The following CEP112 variants were observed in gnomAD, a reference collection of about 807,000 sequenced individuals.
CEP112 encodes the protein centrosomal protein 112, also known as centrosomal protein of 112 kDa.
CEP112 carries 127 observed loss-of-function variants against 153.0 expected under a neutral mutation model. The ratio of observed to expected loss-of-function variants is 0.83; its 90% CI spans 0.72 to 0.96. The LOEUF is 0.96. CEP112 is among the 40% of genes least tolerant of loss of function. The probability of loss-of-function intolerance (pLI) is 0.00; values close to 1 mark genes in which losing one functional copy is unlikely to be tolerated. For synonymous variants in CEP112, 358 were observed against 374.4 expected (o/e 0.96, Z 0.51); for missense variants, 1,089 against 1,101.2 (o/e 0.99, Z 0.16).
intron 20 of CEP112, 130 bp downstream of exon 20, chr17:65,902,022 A>AAAAAC: frequency 2.5e-6 from 1 of 403,784 alleles, no homozygotes. Flanking sequence ...AACAAAAAAA[A>AAAAAC]AATCACATTT....
intron 6 of CEP112, among the ~76,000 whole-genome samples, chr17:66,116,862 C>CTT: frequency 7.5e-6 from 1 of 132,930 alleles, no homozygotes; most frequent in African/African-American, 2.6e-5. Context: ...TCTCCAATCT[C>CTT]CTTTTTTTTT....
chr17:65,816,875 A>G (rs2056298455), intron 21 of CEP112, among the ~76,000 whole-genome samples: 1 of 151,958 alleles, frequency 6.6e-6, no homozygotes, highest in Non-Finnish European at 1.5e-5. Context: ...TTTCTTTCTT[A>G]AATGTTTGGT....
chr17:65,640,341 A>G (rs1239340910), intron 25 of CEP112, among the ~76,000 whole-genome samples: 2 of 151,442 alleles, frequency 1.3e-5, no homozygotes. Context: ...TTTAGTAGAG[A>G]CGGGATTTTG....
intron 18 of CEP112, among the ~76,000 whole-genome samples, chr17:65,959,378 T>C (rs2062115418): frequency 6.6e-6 from 1 of 152,246 alleles, no homozygotes; most frequent in South Asian, 2.1e-4. Context: ...ATGAAGCTCC[T>C]CTTTGTCTTG....
intron 21 of CEP112, among the ~76,000 whole-genome samples, chr17:65,835,621 T>C (rs1421261910): frequency 1.3e-5 from 2 of 152,162 alleles, no homozygotes; most frequent in Non-Finnish European, 2.9e-5. Flanking sequence ...AACTTCACTA[T>C]TCTTCAAAAA....
intron 23 of CEP112, among the ~76,000 whole-genome samples, chr17:65,737,344 A>G (rs1164823047): frequency 6.6e-6 from 1 of 152,188 alleles, no homozygotes; most frequent in African/African-American, 2.4e-5. Flanking sequence ...CCCTAGGATC[A>G]TTATGTTGTT....
chr17:65,943,324 G>A (rs1045882626), intron 18 of CEP112, among the ~76,000 whole-genome samples: 1 of 152,080 alleles, frequency 6.6e-6, no homozygotes, highest in African/African-American at 2.4e-5. Flanking sequence ...GGTGAAGAAA[G>A]GTATGAAATA....
intron 12 of CEP112, among the ~76,000 whole-genome samples, chr17:66,037,973 T>C (rs1001813591): frequency 5.3e-5 from 8 of 151,564 alleles, no homozygotes; most frequent in African/African-American, 1.9e-4. Flanking sequence ...GCTGGTACTG[T>C]CTGTGAAGGC....
chr17:65,654,971 G>C (rs567884750), intron 24 of CEP112: 2 of 683,664 alleles, frequency 2.9e-6, no homozygotes, highest in Admixed American at 3.7e-5. Context: ...CGGGCCAATA[G>C]TGATTGGCAA....
chr17:65,647,572 G>T (rs1347549560), intron 24 of CEP112, among the ~76,000 whole-genome samples: 5 of 150,082 alleles, frequency 3.3e-5, no homozygotes, highest in Non-Finnish European at 5.9e-5. Flanking sequence ...ACCTCCCGAG[G>T]CTCAAGTGAT....
chr17:66,103,788 T>A (rs2068664255), intron 6 of CEP112, among the ~76,000 whole-genome samples: 2 of 152,178 alleles, frequency 1.3e-5, no homozygotes, highest in Non-Finnish European at 2.9e-5. Flanking sequence ...CAGCAGTGGC[T>A]ACATGGCATG....
intron 17 of CEP112, among the ~76,000 whole-genome samples, chr17:65,994,745 C>T (rs1739251018): frequency 6.6e-6 from 1 of 152,156 alleles, no homozygotes; most frequent in African/African-American, 2.4e-5. Flanking sequence ...AAAAAGAACA[C>T]ACTCATGGCA....
chr17:66,099,669 C>T (rs2068487977), intron 6 of CEP112, among the ~76,000 whole-genome samples: 1 of 152,006 alleles, frequency 6.6e-6, no homozygotes, highest in Admixed American at 6.6e-5. Context: ...CAATCACTGG[C>T]TATTACTTGT....
intron 21 of CEP112, among the ~76,000 whole-genome samples, chr17:65,818,457 TC>T (rs1312313418): frequency 2.0e-5 from 3 of 151,698 alleles, no homozygotes; most frequent in African/African-American, 7.3e-5. Flanking sequence ...TCCTTACTAC[TC>T]CCCCACCATC....
chr17:66,144,204 ATAT>A (rs1388374258), intron 4 of CEP112, among the ~76,000 whole-genome samples: 1 of 152,216 alleles, frequency 6.6e-6, no homozygotes, highest in Non-Finnish European at 1.5e-5. Context: ...ATAAATATAC[ATAT>A]TATTTTCATC....
chr17:66,056,040 G>C (rs1293777920), intron 11 of CEP112, among the ~76,000 whole-genome samples: 2 of 152,174 alleles, frequency 1.3e-5, no homozygotes, highest in Non-Finnish European at 2.9e-5. Context: ...AACTATCTTA[G>C]TAGCAAATAT....
intron 23 of CEP112, among the ~76,000 whole-genome samples, chr17:65,696,613 G>C (rs2048370227): frequency 6.6e-6 from 1 of 152,160 alleles, no homozygotes; most frequent in Admixed American, 6.6e-5. Context: ...CTTGCGAGCT[G>C]CAAGCTCTGC....
At chr17:66,118,174 G>T (rs958797609) in intron 6 of CEP112, among the ~76,000 whole-genome samples, 1 of 152,088 alleles carries the variant, frequency 6.6e-6, no homozygotes, top group Non-Finnish European at 1.5e-5. Context: ...ACATCCAAAA[G>T]AAAGGAAATC....
chr17:66,074,699 C>T (rs918766049), intron 8 of CEP112, among the ~76,000 whole-genome samples: 63 of 151,944 alleles, frequency 4.1e-4, no homozygotes, highest in African/African-American at 1.5e-3. Context: ...CCCGTCTCTA[C>T]TAAAAATACA....
Sources: allele counts gnomAD v4.1 joint callset (sites outside exome capture counted in the v4.1 genomes callset), GRCh38; gene constraint gnomAD v4.1.1; transcripts MANE v1.5; gene names NCBI Gene and HGNC (gene_info 2026-07-23, HGNC 2026-07-21).